TRAPPC9: variants seen among roughly 807,000 people sequenced by gnomAD.
TRAPPC9 encodes the protein IKK2 binding protein.
A neutral mutation model predicts 124.0 loss-of-function variants in TRAPPC9; 83 were observed. That is an observed-to-expected ratio of 0.67 (90% CI 0.56 to 0.80). The LOEUF (loss-of-function observed/expected upper bound fraction) is 0.80, where lower values mean the gene tolerates loss of function less well. Ranked by LOEUF, TRAPPC9 falls within the 30% of genes least tolerant of loss-of-function variation. TRAPPC9 has a pLI of 0.00. For missense variants in TRAPPC9, 1,302 were observed against 1,508.3 expected (o/e 0.86, Z 2.27); for synonymous variants, 638 against 617.5 (o/e 1.03, Z -0.49).
chr8:140,291,154 T>G lies in TRAPPC9; in HGVS notation c.1769-76A>C, dbSNP rs778400673. The G allele has an allele frequency of 9.7e-6, 13 of 1,338,596 alleles. 1 individual carries two copies. In the South Asian group the frequency reaches 1.5e-4, roughly 16 times the overall value. 82.9% of individuals were successfully genotyped at this position (1,338,596 alleles called of 1,614,324 possible). A position where few individuals can be genotyped will look rare whatever the true frequency, so the allele number is the denominator to read the frequency against. ...CACTTTCTACATGGTTTCCAATTAT[T>G]CCTCTGGCAATTTACATTCTCAGTG... On this transcript the variant is annotated intron_variant, in intron 11 of 22. Transcript: ENST00000438773.
At chr8:139,972,174 A>G (rs1166353167) in intron 19 of TRAPPC9, among the ~76,000 whole-genome samples, 2 of 151,920 alleles carry the variant, frequency 1.3e-5, no homozygotes, top group East Asian at 3.9e-4. Context: ...CCCTGATACC[A>G]CCCCACACCC....
At chr8:139,768,829 G>C (rs552957820) in intron 21 of TRAPPC9, among the ~76,000 whole-genome samples, 29 of 152,282 alleles carry the variant, frequency 1.9e-4, no homozygotes, top group African/African-American at 6.5e-4. Flanking sequence ...AATACCTCGG[G>C]GGGGAATGTA....
At chr8:140,202,527 C>A (rs1217177041) in intron 17 of TRAPPC9, among the ~76,000 whole-genome samples, 1 of 152,052 alleles carries the variant, frequency 6.6e-6, no homozygotes, top group Non-Finnish European at 1.5e-5. Flanking sequence ...CAATAAAAGG[C>A]CACTTTATAA....
intron 17 of TRAPPC9, among the ~76,000 whole-genome samples, chr8:140,089,650 G>A (rs978341430): frequency 4.6e-5 from 7 of 152,150 alleles, no homozygotes; most frequent in Admixed American, 3.9e-4. Flanking sequence ...AAGAGACACT[G>A]AGCTCCATAA....
chr8:140,330,395 T>C (rs550353990), intron 9 of TRAPPC9, among the ~76,000 whole-genome samples: 3 of 152,308 alleles, frequency 2.0e-5, no homozygotes, highest in African/African-American at 7.2e-5. Flanking sequence ...ACAAGGCATT[T>C]CCTTAACAGA....
In TRAPPC9 at chr8:139,842,624, G is replaced by A. The variant is rs1292271524; in HGVS notation, c.3055+43255C>T. Among the ~76,000 whole-genome samples, 7 of 146,772 alleles carry A rather than the reference G, an allele frequency of 4.8e-5. No individual in the cohort carries two copies. The East Asian group carries it at 1.1e-3, about 22-fold the overall frequency. On this transcript the variant is annotated intron_variant, in intron 21 of 22. Transcript: ENST00000438773. ...GGGCCATGATCACAGCATGGCCCCCGCCTGAGAAGGCTGGACTCCCATGGA... is the reference window on the plus strand; with the variant it reads ...GGGCCATGATCACAGCATGGCCCCCACCTGAGAAGGCTGGACTCCCATGGA...
intron 16 of TRAPPC9, among the ~76,000 whole-genome samples, chr8:140,240,629 G>A (rs554201391): frequency 2.2e-4 from 33 of 152,310 alleles, no homozygotes; most frequent in African/African-American, 7.2e-4. Context: ...TTGGCGTGCA[G>A]TGGCACAAAC....
At chr8:139,832,492 G>A (rs890192415) in intron 21 of TRAPPC9, among the ~76,000 whole-genome samples, 11 of 152,218 alleles carry the variant, frequency 7.2e-5, no homozygotes, top group Non-Finnish European at 1.3e-4. Flanking sequence ...TGGGAGACCA[G>A]TGGGCACGGA....
chr8:139,840,955 C>T (rs557869950), intron 21 of TRAPPC9, among the ~76,000 whole-genome samples: 1 of 152,246 alleles, frequency 6.6e-6, no homozygotes, highest in East Asian at 1.9e-4. Flanking sequence ...CTGGGAGGTA[C>T]AAAGGGATAT....
chr8:140,229,573 C>G (rs905215524), intron 16 of TRAPPC9, among the ~76,000 whole-genome samples: 6 of 150,486 alleles, frequency 4.0e-5, no homozygotes. Context: ...CACCCGGCCT[C>G]TTTTTTCTTT....
chr8:140,379,757 A>G (rs2132283703), intron 7 of TRAPPC9, among the ~76,000 whole-genome samples: 1 of 152,362 alleles, frequency 6.6e-6, no homozygotes, highest in African/African-American at 2.4e-5. Flanking sequence ...CTATACGCTT[A>G]ATAAAACCCC....
In TRAPPC9 at chr8:140,353,208, A is replaced by T. The variant is rs957196201; in HGVS notation, c.1495+6842T>A. Among the ~76,000 whole-genome samples the T allele has an allele frequency of 6.6e-6, 1 of 152,106 alleles. No individual in the cohort carries two copies. The highest frequency in any genetic ancestry group is 6.6e-5 in the Admixed American group (1 of 15,262). Reference sequence around the variant, plus strand: ...CTATACTCTAGCGTGAGAACATCACACTCCCTGCCATCCTAACCTGGTAAA... The same window carrying T: ...CTATACTCTAGCGTGAGAACATCACTCTCCCTGCCATCCTAACCTGGTAAA... On this transcript the variant is annotated intron_variant, in intron 9 of 22. Transcript: ENST00000438773. The surrounding 1 kb of genome is among the most constrained non-coding windows in gnomAD (Gnocchi z 4.2).
intron 17 of TRAPPC9, among the ~76,000 whole-genome samples, chr8:140,192,597 G>C (rs1051971672): frequency 6.6e-6 from 1 of 152,326 alleles, no homozygotes. Context: ...GCAGAGCCTC[G>C]CTTCAATACC....
intron 21 of TRAPPC9, among the ~76,000 whole-genome samples, chr8:139,832,472 C>A (rs1192214833): frequency 6.6e-6 from 1 of 152,156 alleles, no homozygotes; most frequent in African/African-American, 2.4e-5. Context: ...GCAGGGGAGG[C>A]TGGTGGGGGT....
intron 17 of TRAPPC9, among the ~76,000 whole-genome samples, chr8:140,106,326 G>A (rs1030840715): frequency 3.3e-5 from 5 of 152,090 alleles, no homozygotes; most frequent in African/African-American, 1.2e-4. Context: ...AGGTACCTAG[G>A]TAACTGATTT....
chr8:140,240,131 C>A (rs1003587447), intron 16 of TRAPPC9, among the ~76,000 whole-genome samples: 1 of 152,098 alleles, frequency 6.6e-6, no homozygotes, highest in Non-Finnish European at 1.5e-5. Context: ...GCCAAATAGA[C>A]ATGTTTTTTT....
At chr8:140,174,510 G>A (rs373259968) in intron 17 of TRAPPC9, among the ~76,000 whole-genome samples, 5 of 152,138 alleles carry the variant, frequency 3.3e-5, no homozygotes, top group East Asian at 1.9e-4. Flanking sequence ...ATCTAATTTC[G>A]GAGTATTTCC....
chr8:140,041,190 C>T (rs553987600), intron 17 of TRAPPC9, among the ~76,000 whole-genome samples: 31 of 152,260 alleles, frequency 2.0e-4, no homozygotes, highest in African/African-American at 6.5e-4. Context: ...CTGACAGTTT[C>T]CATCCCTGGA....
chr8:139,989,110 C>T (rs752762448), intron 18 of TRAPPC9, among the ~76,000 whole-genome samples: 20 of 152,196 alleles, frequency 1.3e-4, no homozygotes, highest in Non-Finnish European at 1.2e-4. Flanking sequence ...CTTTTACCAA[C>T]CAAGTGGCCT....
Sources: allele counts gnomAD v4.1 joint callset (sites outside exome capture counted in the v4.1 genomes callset), GRCh38; gene constraint gnomAD v4.1.1; non-coding constraint Gnocchi (gnomAD v3.1); transcripts MANE v1.5; gene names NCBI Gene and HGNC (gene_info 2026-07-23, HGNC 2026-07-21).